PDE1C: variants seen among roughly 807,000 people sequenced by gnomAD.
PDE1C encodes dual specificity calcium/calmodulin-dependent 3',5'-cyclic nucleotide phosphodiesterase 1C.
A neutral mutation model predicts 93.1 loss-of-function variants in PDE1C; 62 were observed. The observed-to-expected ratio is 0.67, with a 90% confidence interval of 0.54 to 0.82. The LOEUF (loss-of-function observed/expected upper bound fraction) is 0.82. PDE1C is among the 40% of genes least tolerant of loss of function. PDE1C has a pLI of 0.00. For missense variants in PDE1C, 742 were observed against 884.6 expected (o/e 0.84, Z 2.04); for synonymous variants, 325 against 310.1 (o/e 1.05, Z -0.50).
the PDE1C span, among the ~76,000 whole-genome samples, chr7:31,681,161 C>T: frequency 6.6e-6 from 1 of 152,118 alleles, no homozygotes; most frequent in Non-Finnish European, 1.5e-5. Context: ...ATTTTTTGTT[C>T]TTTTTGAGAG....
chr7:32,345,368 A>G (rs1783831978), intron 1 of PDE1C, among the ~76,000 whole-genome samples: 1 of 152,230 alleles, frequency 6.6e-6, no homozygotes, highest in South Asian at 2.1e-4. Flanking sequence ...AGAGACACCC[A>G]TTCCCCAGTA....
At chr7:32,009,461 GGCT>G (rs764486552) in intron 2 of PDE1C, among the ~76,000 whole-genome samples, 3 of 152,192 alleles carry the variant, frequency 2.0e-5, no homozygotes, top group Non-Finnish European at 4.4e-5. Context: ...AGAAAGACAT[GGCT>G]GCTTTTGTAC....
At chr7:32,315,820 AC>A (rs1783158375) in intron 1 of PDE1C, among the ~76,000 whole-genome samples, 1 of 151,916 alleles carries the variant, frequency 6.6e-6, no homozygotes, top group Non-Finnish European at 1.5e-5. Flanking sequence ...ACATGGAGAA[AC>A]CCTGTCTCTA....
At chr7:32,198,481 G>T (rs1411419232) in intron 2 of PDE1C, among the ~76,000 whole-genome samples, 1 of 152,180 alleles carries the variant, frequency 6.6e-6, no homozygotes, top group Non-Finnish European at 1.5e-5. Flanking sequence ...TGTTGAGTGA[G>T]ATGTAAGCCT....
At chr7:32,333,113 AT>A (rs780564053) in intron 1 of PDE1C, among the ~76,000 whole-genome samples, 1 of 152,240 alleles carries the variant, frequency 6.6e-6, no homozygotes, top group South Asian at 2.1e-4. Flanking sequence ...GTTACAATAA[AT>A]AACCAAAACC....
intron 1 of PDE1C, among the ~76,000 whole-genome samples, chr7:32,376,773 C>T (rs1270413388): frequency 1.3e-5 from 2 of 152,238 alleles, no homozygotes; most frequent in South Asian, 4.1e-4. Context: ...CTGCAAGCTC[C>T]GCCTCCCAGG....
Position 32,109,520 on chromosome 7 carries a change from T to C in PDE1C, c.308+60265A>G, listed in dbSNP as rs529106144. On this transcript the variant is annotated intron_variant, in intron 3 of 18. Coordinates refer to the PDE1C transcript ENST00000396193. ...GGGGGCTGTCCTGTGCATTGTAGGA[T>C]GTTTAGCCACATCCTGGCCTCTACC... Among the ~76,000 whole-genome samples the C allele has an allele frequency of 3.4e-3, 517 of 152,332 alleles. 2 individuals carry two copies. Among genetic ancestry groups the C allele is most frequent in the Non-Finnish European group, 5.9e-3 (401 of 68,030 alleles).
At position 31,753,403 on chromosome 7, in the gene PDE1C, T is replaced by C. The variant is rs774070151; in HGVS notation, c.2111A>G (p.His704Arg). ...IKMKKIQNISHNWNRK is the reference protein window; with the variant it reads ...IKMKKIQNISRNWNRK The stretch of plus-strand genomic sequence containing the variant: ...CTCGGCCTATTTTCTGTTCCAGTTA[T>C]GTGAGATGTTCTGAATCTTTTTCAT... The change falls in exon 18 of 18, where the codon CAT becomes CGT. Residue 704 changes from histidine to arginine, a missense_variant. His to Arg is a conservative substitution (Grantham distance 29). Transcript: ENST00000396191. 11 of 1,612,334 alleles carry C rather than the reference T, an allele frequency of 6.8e-6. No homozygotes were observed. Among genetic ancestry groups the C allele is most frequent in the African/African-American group, 6.7e-5 (5 of 74,908 alleles).
At chr7:31,881,518 T>A (rs1178297372) in intron 2 of PDE1C, among the ~76,000 whole-genome samples, 2 of 152,220 alleles carry the variant, frequency 1.3e-5, no homozygotes, top group African/African-American at 4.8e-5. Flanking sequence ...ATGAACATTA[T>A]CTGCACAGAG....
rs1281767340 is a variant in PDE1C at position 31,752,859 on chromosome 7, CACA to C, written c.*522_*524del. 6.6e-6 allele frequency: 1 copy of C among 152,122 alleles called. No individual in the cohort carries two copies. Among genetic ancestry groups the C allele is most frequent in the African/African-American group, 2.4e-5 (1 of 41,422 alleles). The allele number at this position is 152,122 out of a possible 1,614,324, so 9.4% of individuals were successfully genotyped here. A position where few individuals can be genotyped will look rare whatever the true frequency, so the allele number is the denominator to read the frequency against. On this transcript the variant is annotated 3_prime_UTR_variant, in exon 18 of 18. Coordinates refer to ENST00000396191, the MANE Select transcript of PDE1C (RefSeq NM_001191057.4). ...CTTTTAATATTTTTACATTCAGAAG[CACA>C]ACTTCTGTTTTGAATACATTTACTT... is the stretch of plus-strand genomic sequence containing the variant.
At chr7:32,245,763 C>T (rs1585021651) in intron 1 of PDE1C, among the ~76,000 whole-genome samples, 3 of 152,220 alleles carry the variant, frequency 2.0e-5, no homozygotes, top group South Asian at 2.1e-4. Flanking sequence ...GGAGAGGGCC[C>T]GCTTTCTGGT....
the PDE1C span, among the ~76,000 whole-genome samples, chr7:31,698,362 C>T: frequency 6.6e-6 from 1 of 152,172 alleles, no homozygotes; most frequent in African/African-American, 2.4e-5. Context: ...TCTTCTCTTC[C>T]CACTTCCAAT....
the PDE1C span, among the ~76,000 whole-genome samples, chr7:31,679,827 C>T: frequency 5.3e-5 from 8 of 152,126 alleles, no homozygotes; most frequent in African/African-American, 9.7e-5. Flanking sequence ...CAGGCTTTGG[C>T]GACACAGTGG....
intron 1 of PDE1C, among the ~76,000 whole-genome samples, chr7:32,340,349 T>G (rs1262971494): frequency 2.1e-5 from 3 of 145,014 alleles, no homozygotes; most frequent in South Asian, 2.2e-4. Context: ...GAATAGGGAG[T>G]GAATGTGGAG....
chr7:32,103,658 G>C (rs1031706112), intron 3 of PDE1C, among the ~76,000 whole-genome samples: 1 of 152,182 alleles, frequency 6.6e-6, no homozygotes, highest in Admixed American at 6.5e-5. Flanking sequence ...CTGTTAGCTT[G>C]TAATGCTCTT....
chr7:31,834,282 C>T lies in PDE1C; in HGVS notation c.1203+2898G>A, dbSNP rs1015471371. Among the ~76,000 whole-genome samples the T allele has an allele frequency of 3.3e-5, 5 of 152,202 alleles. No individual in the cohort carries two copies. The East Asian group carries it at 9.6e-4, about 29-fold the overall frequency. ...AAGCAAAATGTGGAGTTGAAACCCC[C>T]ACACAGAGTCCCTACTAGGGCACTG... On this transcript the variant is annotated intron_variant, in intron 11 of 17. Coordinates refer to ENST00000396191, the MANE Select transcript of PDE1C (RefSeq NM_001191057.4).
intron 16 of PDE1C, among the ~76,000 whole-genome samples, chr7:31,807,089 G>A (rs1315773563): frequency 6.6e-6 from 1 of 151,788 alleles, no homozygotes; most frequent in Non-Finnish European, 1.5e-5. Flanking sequence ...GCAAGTCACT[G>A]AAGCTCAATG....
chr7:32,226,148 G>C (rs557441815), intron 1 of PDE1C, among the ~76,000 whole-genome samples: 1 of 152,292 alleles, frequency 6.6e-6, no homozygotes, highest in South Asian at 2.1e-4. Flanking sequence ...ACACAGAGTA[G>C]TGATGGAGCT....
the PDE1C span, chr7:31,656,191 T>C: frequency 4.1e-6 from 1 of 243,530 alleles, no homozygotes; most frequent in Non-Finnish European, 6.6e-6. Context: ...GTGTAGGTCA[T>C]ATCTTCTCTA....
Sources: gnomAD v4.1 joint callset for allele counts (sites outside exome capture counted in the v4.1 genomes callset) on GRCh38, gnomAD v4.1.1 for gene constraint, MANE v1.5 for transcripts, NCBI Gene and HGNC (gene_info 2026-07-23, HGNC 2026-07-21) for gene names.